Variants in EFCAB3 observed in about 807,000 individuals in gnomAD.
EFCAB3 encodes the protein EF-hand calcium binding domain 3, also known as EF-hand calcium-binding domain-containing protein 3.
A neutral mutation model predicts 42.2 loss-of-function variants in EFCAB3; 36 were observed. The observed-to-expected ratio is 0.85, with a 90% CI of 0.65 to 1.13. EFCAB3 has a LOEUF of 1.13. Among genes scored for constraint, EFCAB3 ranks in the 50% most tolerant of loss-of-function variants. EFCAB3 has a pLI of 0.00. For synonymous variants in EFCAB3, 170 were observed against 172.8 expected (o/e 0.98, Z 0.13); for missense variants, 418 against 505.1 (o/e 0.83, Z 1.65).
At chr17:62,373,480 G>T (rs2070128728) in intron 1 of EFCAB3, among the ~76,000 whole-genome samples, 1 of 152,094 alleles carries the variant, frequency 6.6e-6, no homozygotes, top group Admixed American at 6.6e-5. Context: ...AATGAGCTGG[G>T]TGTGGTGGCA....
rs1471704139 is a variant in EFCAB3 at position 62,416,333 on chromosome 17, T to G, written c.*4T>G. 2 of 1,561,300 alleles carry G rather than the reference T, an allele frequency of 1.3e-6. No homozygotes were observed. The highest frequency in any genetic ancestry group is 1.7e-6 in the Non-Finnish European group (2 of 1,156,268). On this transcript the variant is annotated 3_prime_UTR_variant, in exon 10 of 10. Transcript: ENST00000305286. ...TTTAAAGGGATTTCAACAATGAAAT[T>G]TCTACATTTTCTAAACAGCTCATCA...
chr17:62,400,283 G>T (rs1028452031), intron 6 of EFCAB3, among the ~76,000 whole-genome samples: 1 of 151,986 alleles, frequency 6.6e-6, no homozygotes, highest in Middle Eastern at 3.2e-3. Flanking sequence ...CAACGTGCAG[G>T]TTTGTTACAT....
chr17:62,395,276 C>T, intron 6 of EFCAB3, 88 bp downstream of exon 6: 1 of 1,522,836 alleles, frequency 6.6e-7, no homozygotes, highest in Non-Finnish European at 8.9e-7. Context: ...TAACATCCAA[C>T]TCCACAGGGT....
intron 6 of EFCAB3, chr17:62,398,044 A>G (rs1018861311): frequency 1.7e-5 from 5 of 286,720 alleles, no homozygotes; most frequent in African/African-American, 1.3e-4. Flanking sequence ...AAAAAAAAAA[A>G]AAGGTGATAT....
chr17:62,377,962 T>C, upstream of EFCAB3: 1 of 1,547,966 alleles, frequency 6.5e-7, no homozygotes, highest in Non-Finnish European at 8.7e-7. Flanking sequence ...TAATCTTGTC[T>C]TTAAGCAAAA....
intron 8 of EFCAB3, among the ~76,000 whole-genome samples, chr17:62,411,606 T>C (rs8081782): frequency 0.094 from 14,316 of 151,762 alleles, 1,789 homozygotes; most frequent in East Asian, 0.45. Flanking sequence ...CCATCTGTAC[T>C]AAATACAAAA....
chr17:62,383,634 A>T (rs2070223567), intron 2 of EFCAB3, among the ~76,000 whole-genome samples: 1 of 152,148 alleles, frequency 6.6e-6, no homozygotes, highest in African/African-American at 2.4e-5. Context: ...ATCTTTTTTG[A>T]TAGGAAGAGC....
At chr17:62,376,418 C>T (rs369229510), upstream of EFCAB3, among the ~76,000 whole-genome samples, 1 of 152,054 alleles carries the variant, frequency 6.6e-6, no homozygotes, top group Admixed American at 6.6e-5. Context: ...GAGCCGAGAT[C>T]GCACCACTGC....
chr17:62,395,338 C>A, intron 6 of EFCAB3, 150 bp downstream of exon 6: 2 of 989,032 alleles, frequency 2.0e-6, no homozygotes, highest in Non-Finnish European at 2.9e-6. Context: ...CCTTGTGCTA[C>A]AACATGAGAC....
chr17:62,376,654 C>G (rs1308610585), upstream of EFCAB3, among the ~76,000 whole-genome samples: 1 of 152,128 alleles, frequency 6.6e-6, no homozygotes, highest in African/African-American at 2.4e-5. Context: ...TCTCCCATTT[C>G]CATTTCACCA....
chr17:62,393,668 A>C (rs2070323919), intron 5 of EFCAB3, 24 bp downstream of exon 5: 1 of 1,604,438 alleles, frequency 6.2e-7, no homozygotes. Context: ...TTATGAACAG[A>C]AGGCAGTTGG....
intron 6 of EFCAB3, among the ~76,000 whole-genome samples, chr17:62,405,021 TAGGCTAC>T: frequency 6.6e-6 from 1 of 152,312 alleles, no homozygotes; most frequent in South Asian, 2.1e-4. Flanking sequence ...AACACATTGC[TAGGCTAC>T]AGGATTTCTA....
Position 62,410,379 on chromosome 17 carries a change from G to A in EFCAB3, c.867+3167G>A, listed in dbSNP as rs1217673368. Among the ~76,000 whole-genome samples the A allele has an allele frequency of 5.9e-5, 9 of 151,744 alleles. No individual in the cohort carries two copies. In the East Asian group the frequency reaches 1.7e-3, roughly 29 times the overall value. ...TCTACAAAAAAGAAAAGAAAGAAAT[G>A]GTACTTTCAAGTTTCAGAAAGTAAC... On this transcript the variant is annotated intron_variant, in intron 8 of 9. Transcript: ENST00000305286.
chr17:62,392,419 T>C (rs543200963), intron 4 of EFCAB3, among the ~76,000 whole-genome samples: 1 of 152,108 alleles, frequency 6.6e-6, no homozygotes, highest in East Asian at 1.9e-4. Context: ...GTGTGGAAGC[T>C]AAGAGTGATT....
chr17:62,416,011 A>G lies in EFCAB3; in HGVS notation c.999A>G (p.Arg333=), dbSNP rs746540906. 5 of 1,610,072 alleles carry G rather than the reference A, an allele frequency of 3.1e-6. No homozygotes were observed. Among genetic ancestry groups the G allele is most frequent in the Non-Finnish European group, 2.5e-6 (3 of 1,178,240 alleles). ...DATAIKQHVK[R]ATDTYNLGIA... ...CTGGTCTCTCACTGCAGGTGAAGAG[A>G]GCTACTGATACCTATAATTTAGGAA... The change falls in exon 10 of 10, where the codon AGA becomes AGG. Residue 333 remains arginine (R), a synonymous_variant. Transcript: ENST00000305286.
intron 8 of EFCAB3, among the ~76,000 whole-genome samples, chr17:62,407,722 A>C (rs2070460784): frequency 1.3e-5 from 2 of 152,012 alleles, no homozygotes; most frequent in South Asian, 4.2e-4. Flanking sequence ...CCCAGGATAT[A>C]CTTTTGTCAT....
chr17:62,403,710 C>T (rs998908432), intron 6 of EFCAB3, among the ~76,000 whole-genome samples: 1 of 152,148 alleles, frequency 6.6e-6, no homozygotes, highest in Non-Finnish European at 1.5e-5. Context: ...TGCAGTGGTG[C>T]GATCAAGGCT....
chr17:62,370,748 C>T (rs571693077), intron 1 of EFCAB3, among the ~76,000 whole-genome samples: 79 of 152,186 alleles, frequency 5.2e-4, no homozygotes, highest in Middle Eastern at 3.4e-3. Flanking sequence ...AACATAGCTT[C>T]CCAAACTTAA....
At chr17:62,408,251 GA>G (rs1016295866) in intron 8 of EFCAB3, among the ~76,000 whole-genome samples, 1 of 152,102 alleles carries the variant, frequency 6.6e-6, no homozygotes, top group African/African-American at 2.4e-5. Flanking sequence ...TTTTTTGGAA[GA>G]AAGAATACTG....
Sources: gnomAD v4.1 joint callset for allele counts (sites outside exome capture counted in the v4.1 genomes callset) on GRCh38, gnomAD v4.1.1 for gene constraint, MANE v1.5 for transcripts, NCBI Gene and HGNC (gene_info 2026-07-23, HGNC 2026-07-21) for gene names.